The following CCT5 variants were observed in gnomAD, a reference collection of about 807,000 sequenced individuals.
CCT5 encodes the protein T-complex protein 1 subunit epsilon.
CCT5 carries 6 observed loss-of-function variants against 55.0 expected under a neutral mutation model. The observed-to-expected ratio is 0.11, with a 90% CI of 0.06 to 0.22. CCT5 has a LOEUF of 0.22. Among genes scored for constraint, CCT5 ranks in the 10% least tolerant of loss-of-function variants. The probability of loss-of-function intolerance (pLI) is 1.00; values close to 1 mark genes in which losing one functional copy is unlikely to be tolerated. For missense variants in CCT5, 560 were observed against 694.6 expected, an observed-to-expected ratio of 0.81 and a Z score of 2.18; for synonymous variants, 231 against 243.7, an observed-to-expected ratio of 0.95 and a Z score of 0.49.
intron 6 of CCT5, among the ~76,000 whole-genome samples, 160 bp downstream of exon 6, chr5:10,258,695 T>C (rs1745803027): frequency 1.3e-5 from 2 of 152,248 alleles, no homozygotes; most frequent in Admixed American, 1.3e-4. Flanking sequence ...ATTCTAATTT[T>C]GTCTTAAAAT....
Position 10,256,039 on chromosome 5 carries a change from A to G in CCT5, c.416A>G (p.Gln139Arg), listed in dbSNP as rs923026554. The change falls in exon 4 of 11, where the codon CAG (glutamine) becomes CGG (arginine). Residue 139 changes from glutamine to arginine, a missense_variant. Gln to Arg is a conservative substitution (Grantham distance 43). This residue lies in a region of CCT5 where 137 missense variants were observed against 181.9 expected (regional missense o/e 0.75). Coordinates refer to ENST00000280326, the MANE Select transcript of CCT5 (RefSeq NM_012073.5). ...HPIRIADGYE[Q>R]AARVAIEHLD... ...ATCAGAATAGCCGATGGCTATGAGC[A>G]GGCTGCTCGTGTTGCTATTGAACAC... 3 of 1,614,088 alleles carry G rather than the reference A, an allele frequency of 1.9e-6. No homozygotes were observed. Among genetic ancestry groups the G allele is most frequent in the African/African-American group, 1.3e-5 (1 of 74,954 alleles).
chr5:10,258,424 A>G lies in CCT5; in HGVS notation c.762A>G (p.Pro254=), dbSNP rs774961022. 5.6e-6 allele frequency: 9 copies of G among 1,614,128 alleles called. No individual in the cohort carries two copies. The highest frequency in any genetic ancestry group is 2.7e-5 in the African/African-American group (2 of 74,948). ...CGAAGATTGCAATTCTCACATGTCC[A>G]TTTGAACCACCCAAACCAAAAACAA... ...EDAKIAILTC[P]FEPPKPKTKH... Residue 254 remains proline (P), a synonymous_variant, in exon 6 of 11, where the codon CCA becomes CCG. Transcript: ENST00000280326.
At chr5:10,250,821 T>C in intron 1 of CCT5, 1 of 1,105,652 alleles carries the variant, frequency 9.0e-7, no homozygotes, top group Non-Finnish European at 1.1e-6. Context: ...CACCTGTCGG[T>C]TAAGGCGCTG....
In CCT5 at chr5:10,255,302, T is replaced by C. The variant is rs533651686; in HGVS notation, c.331+464T>C. On this transcript the variant is annotated intron_variant, in intron 3 of 10. Coordinates refer to ENST00000280326, the MANE Select transcript of CCT5 (RefSeq NM_012073.5). ...TAGTTGAACAGAAACAGTATGTACA[T>C]GTAGAGAAAATGTGGCAAAATGTTA... Among the ~76,000 whole-genome samples, 213 of 150,702 alleles carry C rather than the reference T, an allele frequency of 1.4e-3. 2 individuals are homozygous for C. Among genetic ancestry groups the C allele is most frequent in the Middle Eastern group, 6.8e-3 (2 of 294 alleles).
At chr5:10,252,473 G>A (rs563168552) in intron 1 of CCT5, among the ~76,000 whole-genome samples, 67 of 151,260 alleles carry the variant, frequency 4.4e-4, no homozygotes, top group Middle Eastern at 3.4e-3. Context: ...GCATTGACTG[G>A]GCGCGGTGGC....
Position 10,261,879 on chromosome 5 carries a change from T to C in CCT5, c.1179+134T>C, listed in dbSNP as rs1295653966. On this transcript the variant is annotated intron_variant, in intron 8 of 10. Transcript: ENST00000280326. ...GTGGTTCTCAAACAATGACGTATCA[T>C]GGTGTAAAATTACTGAAGACCATGT... The C allele has an allele frequency of 5.1e-6, 4 of 785,644 alleles. No individual in the cohort carries two copies. In the Admixed American group the frequency reaches 5.8e-5, roughly 11 times the overall value. 48.7% of individuals were successfully genotyped at this position (785,644 alleles called of 1,614,324 possible).
chr5:10,263,337 CGTG>C, intron 10 of CCT5, 23 bp downstream of exon 10: 1 of 1,433,564 alleles, frequency 7.0e-7, no homozygotes, highest in Non-Finnish European at 9.2e-7. Context: ...CACGCCTCTG[CGTG>C]GAGGGGGGGG....
At chr5:10,257,211 T>C (rs1579450708) in intron 4 of CCT5, among the ~76,000 whole-genome samples, 1 of 152,224 alleles carries the variant, frequency 6.6e-6, no homozygotes, top group Admixed American at 6.5e-5. Context: ...GCAAAGCCTA[T>C]GTTAGAGCAG....
intron 3 of CCT5, 116 bp downstream of exon 3, chr5:10,254,954 C>G (rs1561045535): frequency 1.1e-6 from 1 of 880,196 alleles, no homozygotes. Context: ...CAGACAAATC[C>G]AAGTTGAAAA....
At chr5:10,254,039 G>T in intron 1 of CCT5, 106 bp from the exon 2 acceptor site, 1 of 788,568 alleles carries the variant, frequency 1.3e-6, no homozygotes, top group South Asian at 1.4e-5. Context: ...GAAGCTTCTA[G>T]ACAATAGAAA....
intron 3 of CCT5, chr5:10,255,098 A>G (rs923591627): frequency 4.1e-6 from 2 of 486,816 alleles, no homozygotes; most frequent in South Asian, 2.1e-5. Flanking sequence ...CTTTTAAGCT[A>G]TAAAGGATGT....
chr5:10,254,556 G>T, intron 2 of CCT5, 118 bp from the exon 3 acceptor site: 1 of 881,202 alleles, frequency 1.1e-6, no homozygotes, highest in Non-Finnish European at 1.9e-6. Flanking sequence ...TGTGTATGTT[G>T]CATTATTTGT....
chr5:10,262,813 T>C (rs1369418333), intron 9 of CCT5, among the ~76,000 whole-genome samples, 195 bp downstream of exon 9: 1 of 152,252 alleles, frequency 6.6e-6, no homozygotes, highest in Non-Finnish European at 1.5e-5. Context: ...ATTTCTCAGC[T>C]GTTTTCAGCC....
intron 6 of CCT5, among the ~76,000 whole-genome samples, chr5:10,259,059 A>G (rs982587106): frequency 1.4e-4 from 22 of 152,348 alleles, no homozygotes; most frequent in African/African-American, 4.8e-4. Flanking sequence ...CGTGCTTTCA[A>G]TTGTACATAT....
chr5:10,258,502 C>T lies in CCT5; in HGVS notation c.840C>T (p.Tyr280=), dbSNP rs978388396. ...AAGATTATAAAGCCCTTCAGAAATA[C>T]GAAAAGGAGAAATTTGAAGAGATGA... The part of the protein sequence containing the change: ...SVEDYKALQK[Y]EKEKFEEMIQ... The change falls in exon 6 of 11, where the codon TAC becomes TAT. Residue 280 remains tyrosine, a synonymous_variant. Coordinates refer to ENST00000280326, the MANE Select transcript of CCT5 (RefSeq NM_012073.5). 2 of 1,613,616 alleles carry T rather than the reference C, an allele frequency of 1.2e-6. No individual in the cohort carries two copies. Among genetic ancestry groups the T allele is most frequent in the African/African-American group, 1.3e-5 (1 of 74,874 alleles).
At chr5:10,264,629 G>A (rs779243732) in intron 10 of CCT5, 27 bp from the exon 11 acceptor site, 2 of 1,424,136 alleles carry the variant, frequency 1.4e-6, no homozygotes, top group Non-Finnish European at 2.0e-6. Flanking sequence ...GCTATTTTAG[G>A]ATAATCAGTG....
chr5:10,263,236 A>G lies in CCT5; in HGVS notation c.1420A>G (p.Met474Val), dbSNP rs762233154. The change falls in exon 10 of 11, where the codon ATG becomes GTG. Residue 474 changes from methionine to valine, a missense_variant. Transcript: ENST00000280326. Reference sequence around the variant, plus strand: ...CAGTGGCATGAATCCCATCCAGACTATGACCGAAGTCCGAGCCAGACAGGT... The same window carrying G: ...CAGTGGCATGAATCCCATCCAGACTGTGACCGAAGTCCGAGCCAGACAGGT... ...ENSGMNPIQTMTEVRARQVKE... is the reference protein window; with the variant it reads ...ENSGMNPIQTVTEVRARQVKE... 1.6e-5 allele frequency: 26 copies of G among 1,614,072 alleles called. No homozygotes were observed. The highest frequency in any genetic ancestry group is 1.5e-4 in the South Asian group (14 of 91,092).
intron 3 of CCT5, among the ~76,000 whole-genome samples, chr5:10,255,487 A>G (rs1412828400): frequency 6.6e-6 from 1 of 151,856 alleles, no homozygotes; most frequent in East Asian, 1.9e-4. Context: ...ATACTATTGT[A>G]TGCCAAGCAC....
intron 7 of CCT5, chr5:10,261,193 T>C: frequency 2.0e-6 from 1 of 506,024 alleles, no homozygotes; most frequent in Non-Finnish European, 3.6e-6. Context: ...CTCATCCAAA[T>C]ACTAATGGCA....
Sources: allele counts gnomAD v4.1 joint callset (sites outside exome capture counted in the v4.1 genomes callset), GRCh38; gene constraint gnomAD v4.1.1; regional missense constraint gnomAD v4.1.1; transcripts MANE v1.5; gene names NCBI Gene and HGNC (gene_info 2026-07-23, HGNC 2026-07-21).